The following OCIAD1 variants were observed in gnomAD, a reference collection of about 807,000 sequenced individuals.
OCIAD1 encodes the protein OCIA domain containing 1.
In OCIAD1, 29 loss-of-function variants were observed where a neutral mutation model predicts 38.9. The ratio of observed to expected loss-of-function variants is 0.74; its 90% confidence interval spans 0.55 to 1.02. The LOEUF is 1.02. Among genes scored for constraint, OCIAD1 ranks in the 50% least tolerant of loss-of-function variants. The probability of loss-of-function intolerance (pLI) is 0.00; values close to 1 mark genes in which losing one functional copy is unlikely to be tolerated. For missense variants in OCIAD1, 288 were observed against 289.6 expected (o/e 0.99, Z 0.04); for synonymous variants, 110 against 92.0 (o/e 1.20, Z -1.12).
intron 1 of OCIAD1, among the ~76,000 whole-genome samples, chr4:48,823,340 C>T (rs112970042): frequency 1.5e-4 from 23 of 150,684 alleles, no homozygotes; most frequent in Admixed American, 4.0e-4. Context: ...AGCTGAACAG[C>T]GAGAACACAT....
intron 1 of OCIAD1, among the ~76,000 whole-genome samples, chr4:48,815,411 G>T (rs1777134776): frequency 6.6e-6 from 1 of 152,190 alleles, no homozygotes; most frequent in South Asian, 2.1e-4. Context: ...GTATTTGCAA[G>T]AAATAGCTGG....
intron 1 of OCIAD1, among the ~76,000 whole-genome samples, chr4:48,832,157 G>T (rs190929641): frequency 1.3e-5 from 2 of 152,242 alleles, no homozygotes. Flanking sequence ...TGTGGGAGAG[G>T]TTGAATGTTT....
At chr4:48,846,680 G>A (rs1779005844) in intron 4 of OCIAD1, among the ~76,000 whole-genome samples, 1 of 151,332 alleles carries the variant, frequency 6.6e-6, no homozygotes, top group Non-Finnish European at 1.5e-5. Flanking sequence ...CCCAGGAGGC[G>A]AAGGTTGCAG....
At position 48,861,391 on chromosome 4, in the gene OCIAD1, A is replaced by G. The variant is rs1780585001; in HGVS notation, c.*629A>G. 1.3e-5 allele frequency: 2 copies of G among 152,328 alleles called. No homozygotes were observed. Among genetic ancestry groups the G allele is most frequent in the African/African-American group, 2.4e-5 (1 of 41,448 alleles). The allele number at this position is 152,328 out of a possible 1,614,324, so 9.4% of individuals were successfully genotyped here. On this transcript the variant is annotated 3_prime_UTR_variant, in exon 9 of 9. Transcript: ENST00000264312. ...ATGGCTATAATATGGCTATAAATCT[A>G]TAATATGGCTGGAGGCAGTGGGCAG...
At chr4:48,825,432 C>T (rs1217436741) in intron 1 of OCIAD1, among the ~76,000 whole-genome samples, 1 of 152,244 alleles carries the variant, frequency 6.6e-6, no homozygotes, top group African/African-American at 2.4e-5. Context: ...GGCCCCTTGC[C>T]CATGATGGGC....
Position 48,842,642 on chromosome 4 carries a change from C to T in OCIAD1, c.146C>T (p.Pro49Leu). Residue 49 changes from proline to leucine, a missense_variant, in exon 4 of 9, where the codon CCT (proline) becomes CTT (leucine). Physicochemically the swap from Pro to Leu is moderately conservative, Grantham distance 98. Transcript: ENST00000264312. ...GGTCTTTTTCTTCCTATAGCTGTGCCTTTGGCTGCAACAAGTATGTTGATT... is the reference window on the plus strand; with the variant it reads ...GGTCTTTTTCTTCCTATAGCTGTGCTTTTGGCTGCAACAAGTATGTTGATT... The part of the protein sequence containing the change: ...NDESFWFRSV[P>L]LAATSMLITQ... 4 of 1,567,950 alleles carry T rather than the reference C, an allele frequency of 2.6e-6. No individual in the cohort carries two copies. The highest frequency in any genetic ancestry group is 1.2e-5 in the South Asian group (1 of 83,048).
intron 4 of OCIAD1, among the ~76,000 whole-genome samples, chr4:48,843,380 A>G (rs1271820991): frequency 1.3e-5 from 2 of 152,204 alleles, no homozygotes; most frequent in East Asian, 1.9e-4. Flanking sequence ...CCAGAAAAGG[A>G]TGGTGACCTT....
intron 1 of OCIAD1, among the ~76,000 whole-genome samples, chr4:48,824,701 T>C (rs929725420): frequency 1.3e-5 from 2 of 152,206 alleles, no homozygotes; most frequent in African/African-American, 4.8e-5. Context: ...GTAACAGAAA[T>C]ATAATGAATG....
rs186829596 is a variant in OCIAD1 at position 48,814,378 on chromosome 4, C to T, written c.-103+9048C>T. On this transcript the variant is annotated intron_variant, in intron 1 of 6. Coordinates refer to the OCIAD1 transcript ENST00000504654. ...TAGTGAAATTATAAAGTCACCTAGA[C>T]GTGGAAAAAACTCTCCTCTAACTTT... Among the ~76,000 whole-genome samples the T allele has an allele frequency of 1.4e-3, 203 of 144,210 alleles. 3 individuals are homozygous for T. The East Asian group carries it at 0.027, about 19-fold the overall frequency. The allele number at this position is 144,210 out of a possible 152,430, so 94.6% of individuals were successfully genotyped here. A position where few individuals can be genotyped will look rare whatever the true frequency, so the allele number is the denominator to read the frequency against.
At chr4:48,816,993 G>T (rs1036882237) in intron 1 of OCIAD1, among the ~76,000 whole-genome samples, 2 of 152,130 alleles carry the variant, frequency 1.3e-5, no homozygotes, top group African/African-American at 4.8e-5. Flanking sequence ...GGTGGGAGAG[G>T]GGCCAAGATG....
intron 1 of OCIAD1, among the ~76,000 whole-genome samples, chr4:48,821,661 A>C (rs1201171848): frequency 1.3e-5 from 2 of 152,258 alleles, no homozygotes; most frequent in Non-Finnish European, 2.9e-5. Flanking sequence ...GTCTCAGCCC[A>C]AAAATTCTTA....
At position 48,807,826 on chromosome 4, in the gene OCIAD1, C is replaced by T. The variant is rs10517229; in HGVS notation, c.-103+2496C>T. ...TGATGCTCAAAGCCACTGCTTCAAA[C>T]GTGGGTGTTTCCCAGGGTTCATTTC... On this transcript the variant is annotated intron_variant, in intron 1 of 6. Transcript: ENST00000504654. Among the ~76,000 whole-genome samples, 718 of 152,256 alleles carry T rather than the reference C, an allele frequency of 4.7e-3. 9 individuals are homozygous for T. Among genetic ancestry groups the T allele is most frequent in the African/African-American group, 0.016 (659 of 41,540 alleles).
At chr4:48,833,256 AAAC>A in intron 2 of OCIAD1, 142 bp from the exon 3 acceptor site, 1 of 597,858 alleles carries the variant, frequency 1.7e-6, no homozygotes, top group Non-Finnish European at 3.0e-6. Context: ...CTGTCTCAAA[AAAC>A]AAAAAAAGTG....
chr4:48,806,594 C>A (rs981477670), intron 1 of OCIAD1, among the ~76,000 whole-genome samples: 2 of 152,028 alleles, frequency 1.3e-5, no homozygotes, highest in Admixed American at 1.3e-4. Context: ...CTGCCCTTGC[C>A]CTTTTAAATT....
intron 8 of OCIAD1, among the ~76,000 whole-genome samples, chr4:48,858,401 A>G (rs1780292537): frequency 6.6e-6 from 1 of 152,094 alleles, no homozygotes; most frequent in Non-Finnish European, 1.5e-5. Context: ...ATGATTGAGT[A>G]ATGAGATTGA....
intron 3 of OCIAD1, among the ~76,000 whole-genome samples, chr4:48,836,045 G>A (rs187029896): frequency 5.9e-5 from 9 of 152,254 alleles, no homozygotes; most frequent in Admixed American, 1.3e-4. Context: ...CCATTATATC[G>A]TTTAGGTTCT....
chr4:48,825,748 C>A (rs556948075), intron 1 of OCIAD1, among the ~76,000 whole-genome samples: 1 of 152,216 alleles, frequency 6.6e-6, no homozygotes, highest in African/African-American at 2.4e-5. Context: ...CCTTCTTGCT[C>A]TTGTATTTTC....
chr4:48,813,610 A>C (rs1777113556), intron 1 of OCIAD1, among the ~76,000 whole-genome samples: 2 of 152,240 alleles, frequency 1.3e-5, no homozygotes, highest in Admixed American at 6.5e-5. Context: ...ACTGGGGATC[A>C]GATCCACTGT....
intron 7 of OCIAD1, 38 bp from the exon 8 acceptor site, chr4:48,857,175 T>A (rs1780113946): frequency 7.3e-7 from 1 of 1,364,372 alleles, no homozygotes; most frequent in Non-Finnish European, 9.7e-7. Context: ...GTTATACAAA[T>A]CCTTTTATTA....
Sources: gnomAD v4.1 joint callset for allele counts (sites outside exome capture counted in the v4.1 genomes callset) on GRCh38, gnomAD v4.1.1 for gene constraint, MANE v1.5 for transcripts, NCBI Gene and HGNC (gene_info 2026-07-23, HGNC 2026-07-21) for gene names.